HSF2: variants seen among roughly 807,000 people sequenced by gnomAD.
HSF2 encodes heat shock transcription factor 2, also known as heat shock factor protein 2.
HSF2 carries 21 observed loss-of-function variants against 65.0 expected under a neutral mutation model. That is an observed-to-expected ratio of 0.32 (90% CI 0.23 to 0.47). HSF2 has a LOEUF of 0.47. HSF2 is among the 20% of genes least tolerant of loss of function. The pLI, the probability that HSF2 is intolerant of heterozygous loss-of-function variation, is 1.00. For synonymous variants in HSF2, 225 were observed against 219.1 expected, an observed-to-expected ratio of 1.03 and a Z score of -0.24; for missense variants, 499 against 628.1, an observed-to-expected ratio of 0.79 and a Z score of 2.20.
intron 7 of HSF2, among the ~76,000 whole-genome samples, chr6:122,420,592 T>G (rs1774209515): frequency 6.7e-6 from 1 of 149,018 alleles, no homozygotes; most frequent in African/African-American, 2.5e-5. Context: ...ATATCTAAAC[T>G]TCATATAAAT....
intron 1 of HSF2, among the ~76,000 whole-genome samples, chr6:122,406,183 A>G (rs146471284): frequency 3.3e-5 from 5 of 152,346 alleles, no homozygotes; most frequent in East Asian, 1.9e-4. Context: ...CAGACAATGA[A>G]GAATGAATTT....
chr6:122,419,486 C>T (rs1037483305), intron 6 of HSF2, among the ~76,000 whole-genome samples: 2 of 152,044 alleles, frequency 1.3e-5, no homozygotes, highest in African/African-American at 4.8e-5. Context: ...AAAATATTCA[C>T]TTTTCATTCA....
chr6:122,413,148 G>A (rs1255525069), intron 3 of HSF2, among the ~76,000 whole-genome samples: 2 of 151,632 alleles, frequency 1.3e-5, no homozygotes, highest in African/African-American at 4.8e-5. Context: ...TCTGTAAAAG[G>A]GGTGGACCAT....
chr6:122,404,723 ATACT>A (rs1464478759), intron 1 of HSF2, among the ~76,000 whole-genome samples: 3 of 152,162 alleles, frequency 2.0e-5, no homozygotes, highest in African/African-American at 4.8e-5. Context: ...TCCTTGTAAA[ATACT>A]TAGGGAGATT....
Position 122,413,638 on chromosome 6 carries a change from T to G in HSF2, c.444T>G (p.Ser148=), listed in dbSNP as rs368456319. The G allele has an allele frequency of 7.1e-5, 114 of 1,604,616 alleles. No individual in the cohort carries two copies. The highest frequency in any genetic ancestry group is 8.0e-5 in the Non-Finnish European group (94 of 1,173,114). ...IKQETIESRL[S]ELKSENESLW... ...AGGAAACTATTGAGTCCAGGCTTTC[T>G]GAATTAAAAAGGTAAAGTGTTATTT... The change falls in exon 4 of 13, where the codon TCT becomes TCG. Residue 148 remains serine, a synonymous_variant. Transcript: ENST00000368455.
intron 10 of HSF2, 132 bp from the exon 11 acceptor site, chr6:122,427,771 T>C (rs1331046208): frequency 2.2e-6 from 1 of 461,624 alleles, no homozygotes; most frequent in Non-Finnish European, 3.8e-6. Context: ...CTTTCAAACT[T>C]GTTTAACTGT....
rs1402767380 is a variant in HSF2, at chr6:122,432,574, T to G, written c.*354T>G. The stretch of plus-strand genomic sequence containing the variant: ...TCCTGTTTGATGCTGTCTATTTGCA[T>G]TGAGTGTAAGTCATTTGAACTAATG... On this transcript the variant is annotated 3_prime_UTR_variant, in exon 13 of 13. Transcript: ENST00000368455. 4.9e-6 allele frequency: 1 copy of G among 204,802 alleles called. No individual in the cohort carries two copies. The highest frequency in any genetic ancestry group is 1.0e-5 in the Non-Finnish European group (1 of 100,380). 12.7% of individuals were successfully genotyped at this position (204,802 alleles called of 1,614,324 possible).
At chr6:122,415,978 C>CAGAAGGT (rs1774117410) in intron 4 of HSF2, among the ~76,000 whole-genome samples, 2 of 152,178 alleles carry the variant, frequency 1.3e-5, no homozygotes, top group Non-Finnish European at 2.9e-5. Flanking sequence ...GATCGTACCA[C>CAGAAGGT]TGCACTTCAG....
Position 122,432,124 on chromosome 6 carries a change from A to G in HSF2, c.1515A>G (p.Pro505=), listed in dbSNP as rs1372282563. The part of the protein sequence containing the change: ...PTQSKLVRLE[P]LTEAEASEAT... ...AAAGTAAGCTTGTTCGCCTGGAGCCATTGACTGAAGCTGAAGCTAGTGAAG... is the reference window on the plus strand; with the variant it reads ...AAAGTAAGCTTGTTCGCCTGGAGCCGTTGACTGAAGCTGAAGCTAGTGAAG... The change falls in exon 13 of 13, where the codon CCA becomes CCG. Residue 505 remains proline, a synonymous_variant. Transcript: ENST00000368455. 6.2e-7 allele frequency: 1 copy of G among 1,614,016 alleles called. No individual in the cohort carries two copies. Among genetic ancestry groups the G allele is most frequent in the African/African-American group, 1.3e-5 (1 of 74,920 alleles).
rs562790707 is a variant in HSF2, at chr6:122,405,883, A to T, written c.93+6053A>T. ...TCTGGAGTACTCTAAAAAACTGTTT[A>T]TGGGGAGATATCTTGTTAGAGATAC... On this transcript the variant is annotated intron_variant, in intron 1 of 12. Transcript: ENST00000368455. Among the ~76,000 whole-genome samples, 3 of 152,346 alleles carry T rather than the reference A, an allele frequency of 2.0e-5. 1 individual carries two copies. In the South Asian group the frequency reaches 6.2e-4, roughly 32 times the overall value.
intron 1 of HSF2, among the ~76,000 whole-genome samples, chr6:122,410,659 G>A (rs930049924): frequency 2.0e-5 from 3 of 151,804 alleles, no homozygotes; most frequent in African/African-American, 7.2e-5. Flanking sequence ...AAGGGGAATT[G>A]TACAGTATTT....
intron 11 of HSF2, among the ~76,000 whole-genome samples, chr6:122,428,775 A>G (rs1774393369): frequency 6.6e-6 from 1 of 152,016 alleles, no homozygotes; most frequent in Admixed American, 6.6e-5. Context: ...TGAGGGGTGG[A>G]ATTTATACGA....
intron 1 of HSF2, among the ~76,000 whole-genome samples, chr6:122,402,498 T>C (rs565622912): frequency 1.3e-5 from 2 of 152,146 alleles, no homozygotes; most frequent in South Asian, 2.1e-4. Flanking sequence ...AATGATGATA[T>C]AATAGTCCTC....
intron 4 of HSF2, 80 bp downstream of exon 4, chr6:122,413,729 A>C (rs1444163975): frequency 1.7e-6 from 2 of 1,209,000 alleles, no homozygotes; most frequent in Non-Finnish European, 2.4e-6. Context: ...AGGTTGTCTG[A>C]TGTTTTATTG....
chr6:122,409,376 C>T (rs943892392), intron 1 of HSF2, among the ~76,000 whole-genome samples: 2 of 151,826 alleles, frequency 1.3e-5, no homozygotes, highest in African/African-American at 4.8e-5. Flanking sequence ...TGGTTTCAGT[C>T]GAGTGAGGGA....
At chr6:122,413,038 A>G (rs577641384) in intron 3 of HSF2, among the ~76,000 whole-genome samples, 2 of 152,190 alleles carry the variant, frequency 1.3e-5, no homozygotes, top group South Asian at 4.2e-4. Context: ...GTCTCTTCTA[A>G]TAATATAAAT....
intron 10 of HSF2, among the ~76,000 whole-genome samples, chr6:122,424,559 C>T (rs1455779281): frequency 6.6e-6 from 1 of 152,076 alleles, no homozygotes; most frequent in African/African-American, 2.4e-5. Flanking sequence ...CTCACCAGTC[C>T]TTGTCAGTGC....
intron 10 of HSF2, among the ~76,000 whole-genome samples, chr6:122,424,748 C>T (rs1253377054): frequency 6.6e-6 from 1 of 151,934 alleles, no homozygotes; most frequent in Non-Finnish European, 1.5e-5. Flanking sequence ...GTTTTTTGAT[C>T]CTATCAGCCT....
intron 1 of HSF2, among the ~76,000 whole-genome samples, chr6:122,400,192 T>C (rs921199637): frequency 6.6e-6 from 1 of 152,108 alleles, no homozygotes; most frequent in Admixed American, 6.5e-5. Context: ...TCCTCCGTCC[T>C]CCCGCCCGGC....
Sources: allele counts gnomAD v4.1 joint callset (sites outside exome capture counted in the v4.1 genomes callset), GRCh38; gene constraint gnomAD v4.1.1; transcripts MANE v1.5; gene names NCBI Gene and HGNC (gene_info 2026-07-23, HGNC 2026-07-21).